MALRD1: variants seen among roughly 807,000 people sequenced by gnomAD.
MALRD1 encodes MAM and LDL-receptor class A domain-containing protein 1.
Under a neutral mutation model 242.1 loss-of-function variants are expected in MALRD1, and 247 were observed. The ratio of observed to expected loss-of-function variants is 1.02; its 90% CI spans 0.92 to 1.13. The LOEUF (loss-of-function observed/expected upper bound fraction) is 1.13, where lower values mean the gene tolerates loss of function less well. Among genes scored for constraint, MALRD1 ranks in the 50% most tolerant of loss-of-function variants. MALRD1 has a pLI of 0.00. For missense variants in MALRD1, 2,989 were observed against 2,533.1 expected (o/e 1.18, Z -3.86); for synonymous variants, 995 against 866.6 (o/e 1.15, Z -2.60).
chr10:19,554,543 C>A, intron 32 of MALRD1, among the ~76,000 whole-genome samples: 1 of 152,038 alleles, frequency 6.6e-6, no homozygotes, highest in Non-Finnish European at 1.5e-5. Context: ...GCTCTCCCTC[C>A]CCAACCCCAC....
intron 36 of MALRD1, among the ~76,000 whole-genome samples, chr10:19,659,843 T>C (rs1285436207): frequency 1.3e-5 from 2 of 152,114 alleles, no homozygotes; most frequent in Admixed American, 1.3e-4. Context: ...AGCTCCACAC[T>C]CTACTGAGGT....
At chr10:19,194,393 T>C (rs1231949357) in intron 14 of MALRD1, among the ~76,000 whole-genome samples, 1 of 152,194 alleles carries the variant, frequency 6.6e-6, no homozygotes, top group East Asian at 1.9e-4. Flanking sequence ...TGAGACTCAT[T>C]TATCCAGTAA....
intron 23 of MALRD1, among the ~76,000 whole-genome samples, chr10:19,330,872 A>T (rs551511316): frequency 4.7e-4 from 72 of 151,738 alleles, no homozygotes; most frequent in Admixed American, 1.6e-3. Flanking sequence ...AAAAAAAAAA[A>T]CTCATGGTAT....
At chr10:19,562,118 A>C (rs1330330730) in intron 32 of MALRD1, among the ~76,000 whole-genome samples, 1 of 152,140 alleles carries the variant, frequency 6.6e-6, no homozygotes. Flanking sequence ...CAAGATGGTG[A>C]AACCCTGTCT....
chr10:19,310,550 C>CTCT (rs1842386533), intron 21 of MALRD1, among the ~76,000 whole-genome samples: 1 of 151,558 alleles, frequency 6.6e-6, no homozygotes, highest in Non-Finnish European at 1.5e-5. Context: ...GATAATCCAT[C>CTCT]TTAGTTTTGA....
At chr10:19,445,268 G>A (rs568518237) in intron 28 of MALRD1, among the ~76,000 whole-genome samples, 6 of 152,200 alleles carry the variant, frequency 3.9e-5, no homozygotes, top group Admixed American at 1.3e-4. Context: ...CCTTTAGCCC[G>A]GAGAAGTTTG....
chr10:19,267,709 G>A (rs1298772321), intron 19 of MALRD1, among the ~76,000 whole-genome samples: 1 of 152,098 alleles, frequency 6.6e-6, no homozygotes, highest in Non-Finnish European at 1.5e-5. Flanking sequence ...TGAAAGCACT[G>A]TGTTTTGAAA....
At chr10:19,144,404 A>G (rs1360535602) in intron 10 of MALRD1, among the ~76,000 whole-genome samples, 3 of 152,240 alleles carry the variant, frequency 2.0e-5, no homozygotes, top group Admixed American at 2.0e-4. Flanking sequence ...TTTCAGATCT[A>G]AAGGTTCAGT....
chr10:19,082,493 C>A (rs2131283238), intron 2 of MALRD1, among the ~76,000 whole-genome samples: 1 of 151,614 alleles, frequency 6.6e-6, no homozygotes, highest in Admixed American at 6.6e-5. Context: ...TTCTGTAGTT[C>A]TTTATATATG....
chr10:19,249,782 C>T (rs1313102092), intron 18 of MALRD1, among the ~76,000 whole-genome samples: 1 of 151,990 alleles, frequency 6.6e-6, no homozygotes, highest in Non-Finnish European at 1.5e-5. Flanking sequence ...TTCTAATTCA[C>T]AATAACTAAT....
chr10:19,484,614 A>T (rs1274778852), intron 29 of MALRD1, among the ~76,000 whole-genome samples: 2 of 152,250 alleles, frequency 1.3e-5, no homozygotes, highest in African/African-American at 4.8e-5. Context: ...TAATGAAACC[A>T]TATAATATGC....
At chr10:19,051,291 T>TA (rs36010504) in intron 1 of MALRD1, among the ~76,000 whole-genome samples, 56,116 of 149,286 alleles carry the variant, frequency 0.38, 11,039 homozygotes, top group South Asian at 0.56. Flanking sequence ...GTAGCCACAT[T>TA]AAAAAAAAAA....
rs115373703 is a variant in MALRD1, at chr10:19,275,278, C to T, written c.3080-4769C>T. 6.5e-3 allele frequency among the ~76,000 whole-genome samples: 989 copies of T among 152,210 alleles called. 8 individuals are homozygous for T. Among genetic ancestry groups the T allele is most frequent in the African/African-American group, 0.023 (948 of 41,524 alleles). On this transcript the variant is annotated intron_variant, in intron 19 of 39. Transcript: ENST00000454679. ...GTAATTGAATCTGAAGCAGTTCAGT[C>T]GATGTCTTCTTTGTCTCAAATGCAA...
At chr10:19,724,051 C>G (rs1210217278) in intron 38 of MALRD1, among the ~76,000 whole-genome samples, 1 of 152,124 alleles carries the variant, frequency 6.6e-6, no homozygotes, top group Non-Finnish European at 1.5e-5. Flanking sequence ...GAGTGAGACT[C>G]TGTCTCTAAA....
At chr10:19,134,890 T>C (rs1833274251) in intron 9 of MALRD1, among the ~76,000 whole-genome samples, 1 of 152,144 alleles carries the variant, frequency 6.6e-6, no homozygotes, top group Non-Finnish European at 1.5e-5. Flanking sequence ...AGATCTAAGT[T>C]TAAAACCATC....
intron 34 of MALRD1, among the ~76,000 whole-genome samples, chr10:19,599,823 C>T (rs535636521): frequency 5.3e-5 from 8 of 152,174 alleles, no homozygotes; most frequent in South Asian, 2.1e-4. Flanking sequence ...TTAAGGCAAG[C>T]GGTTAGTCCA....
Position 19,615,359 on chromosome 10 carries a change from A to G in MALRD1, c.6071-498A>G, listed in dbSNP as rs1448930027. Among the ~76,000 whole-genome samples, 3 of 151,604 alleles carry G rather than the reference A, an allele frequency of 2.0e-5. No homozygotes were observed. The East Asian group carries it at 5.9e-4, about 30-fold the overall frequency. On this transcript the variant is annotated intron_variant, in intron 35 of 39. Transcript: ENST00000454679. ...AATGGCAAGATCCCATCTTTACAAT[A>G]ATCTAAAAATTAGGCAAGTGTAGTA... is the stretch of plus-strand genomic sequence containing the variant.
intron 18 of MALRD1, among the ~76,000 whole-genome samples, chr10:19,219,618 A>C (rs955509051): frequency 1.3e-5 from 2 of 152,034 alleles, no homozygotes; most frequent in African/African-American, 4.8e-5. Flanking sequence ...AAATTTTTTT[A>C]TACATATGTT....
chr10:19,619,736 T>A (rs1839320565), intron 36 of MALRD1, among the ~76,000 whole-genome samples: 1 of 152,118 alleles, frequency 6.6e-6, no homozygotes, highest in African/African-American at 2.4e-5. Context: ...TAATTCTTAT[T>A]TATCTTTTGC....
Sources: allele counts gnomAD v4.1 joint callset (sites outside exome capture counted in the v4.1 genomes callset), GRCh38; gene constraint gnomAD v4.1.1; transcripts MANE v1.5; gene names NCBI Gene and HGNC (gene_info 2026-07-23, HGNC 2026-07-21).